The following PRKAR1A variants were observed in gnomAD, a reference collection of about 807,000 sequenced individuals.
The protein encoded by PRKAR1A is protein kinase cAMP-dependent type I regulatory subunit alpha.
In PRKAR1A, 3 loss-of-function variants were observed where a neutral mutation model predicts 52.0. That is an observed-to-expected ratio of 0.06 (90% CI 0.03 to 0.15). The LOEUF (loss-of-function observed/expected upper bound fraction) is 0.15. Among genes scored for constraint, PRKAR1A ranks in the 10% least tolerant of loss-of-function variants. The pLI is 1.00. For missense variants in PRKAR1A, 240 were observed against 477.4 expected, an observed-to-expected ratio of 0.50 and a Z score of 4.63; for synonymous variants, 188 against 168.4, an observed-to-expected ratio of 1.12 and a Z score of -0.90.
the PRKAR1A span, among the ~76,000 whole-genome samples, chr17:68,472,667 T>C: frequency 6.6e-6 from 1 of 152,150 alleles, no homozygotes; most frequent in Non-Finnish European, 1.5e-5. Context: ...ATGTAATGGC[T>C]GGGTGCAGTA....
chr17:68,537,610 A>T (rs770641013), downstream of PRKAR1A: 20 of 1,613,618 alleles, frequency 1.2e-5, no homozygotes, highest in Non-Finnish European at 1.4e-5. This position sits in a 1 kb window ranked among gnomAD's most constrained non-coding sequence, Gnocchi z 4.2. Context: ...CCTTCGATCC[A>T]GGGCAAGGAG....
At chr17:68,423,769 T>C in the PRKAR1A span, among the ~76,000 whole-genome samples, 1 of 152,324 alleles carries the variant, frequency 6.6e-6, no homozygotes, top group South Asian at 2.1e-4. The surrounding 1 kb of genome is among the most constrained non-coding windows in gnomAD (Gnocchi z 4.4). Context: ...CTGCACAAGG[T>C]ACCTATTATT....
At chr17:68,451,957 A>C in the PRKAR1A span, among the ~76,000 whole-genome samples, 1 of 152,202 alleles carries the variant, frequency 6.6e-6, no homozygotes, top group Non-Finnish European at 1.5e-5. Context: ...TAGAGCAAAA[A>C]ATTCACAAAA....
upstream of PRKAR1A, chr17:68,511,921 G>A (rs1453096706): frequency 6.6e-6 from 1 of 152,254 alleles, no homozygotes; most frequent in African/African-American, 2.4e-5. Flanking sequence ...AGGGGCTGCG[G>A]GGAGGAGTCG....
At chr17:68,486,371 ATTCTTTCTTTCTTTCTCTTTCT>A in the PRKAR1A span, among the ~76,000 whole-genome samples, 8 of 124,122 alleles carry the variant, frequency 6.4e-5, no homozygotes, top group African/African-American at 2.1e-4. Context: ...TCTTCCTCTT[ATTCTTTCTTTCTTTCTCTTTCT>A]TTCTTTCTTT....
chr17:68,467,530 GAC>G, the PRKAR1A span, among the ~76,000 whole-genome samples: 1 of 152,278 alleles, frequency 6.6e-6, no homozygotes, highest in Non-Finnish European at 1.5e-5. Context: ...AAACCCTTGG[GAC>G]ATCTAACCAG....
chr17:68,467,461 T>C, the PRKAR1A span, among the ~76,000 whole-genome samples: 3 of 152,362 alleles, frequency 2.0e-5, no homozygotes, highest in South Asian at 6.2e-4. Flanking sequence ...TCCGAATTAC[T>C]ATAGCCATCC....
upstream of PRKAR1A, among the ~76,000 whole-genome samples, chr17:68,508,229 A>AC (rs2085221842): frequency 6.6e-6 from 1 of 152,228 alleles, no homozygotes; most frequent in Admixed American, 6.5e-5. Context: ...AGACACATGC[A>AC]TGCTTATGTT....
downstream of PRKAR1A, among the ~76,000 whole-genome samples, chr17:68,538,196 AATCACAGAG>A (rs1402464860): frequency 6.6e-6 from 1 of 152,220 alleles, no homozygotes; most frequent in Non-Finnish European, 1.5e-5. Flanking sequence ...CAGATTTTAA[AATCACAGAG>A]ATGAAAATGT....
chr17:68,460,514 C>T, the PRKAR1A span, among the ~76,000 whole-genome samples: 1 of 152,240 alleles, frequency 6.6e-6, no homozygotes, highest in African/African-American at 2.4e-5. Flanking sequence ...ACCTTCCCAG[C>T]CTCAGCCTTT....
At chr17:68,470,590 T>G in the PRKAR1A span, among the ~76,000 whole-genome samples, 1 of 152,206 alleles carries the variant, frequency 6.6e-6, no homozygotes, top group Non-Finnish European at 1.5e-5. Flanking sequence ...ACATTTGCAT[T>G]CCTCAAATCT....
chr17:68,448,506 C>T, the PRKAR1A span: 1 of 152,048 alleles, frequency 6.6e-6, no homozygotes, highest in African/African-American at 2.4e-5. Flanking sequence ...GGGAGGAGAA[C>T]CTCACAGTTA....
At chr17:68,442,586 T>C in the PRKAR1A span, among the ~76,000 whole-genome samples, 1 of 152,048 alleles carries the variant, frequency 6.6e-6, no homozygotes, top group African/African-American at 2.4e-5. Context: ...GCATTTACTG[T>C]CCACTCCCCT....
chr17:68,417,286 T>G, the PRKAR1A span, among the ~76,000 whole-genome samples: 1 of 152,178 alleles, frequency 6.6e-6, no homozygotes, highest in Non-Finnish European at 1.5e-5. Flanking sequence ...TAAGCTCTGG[T>G]AAATTAGTTT....
the PRKAR1A span, among the ~76,000 whole-genome samples, chr17:68,417,742 T>TTTTA: frequency 1.8e-5 from 2 of 108,698 alleles, no homozygotes; most frequent in Non-Finnish European, 3.5e-5. Context: ...AATTTTTTTT[T>TTTTA]TTTTTTTTTT....
intron 1 of PRKAR1A, 189 bp downstream of exon 1, chr17:68,512,737 T>A (rs568798488): frequency 5.3e-5 from 8 of 151,960 alleles, no homozygotes; most frequent in African/African-American, 1.9e-4. Flanking sequence ...CGAGTCTGCA[T>A]CCTCAAGGCC....
chr17:68,528,092 A>G (rs1033663156), intron 8 of PRKAR1A, among the ~76,000 whole-genome samples, 192 bp downstream of exon 8: 2 of 152,162 alleles, frequency 1.3e-5, no homozygotes, highest in African/African-American at 4.8e-5. Flanking sequence ...CTCTTGTTCC[A>G]TCATTGAGTT....
the PRKAR1A span, chr17:68,421,953 C>T: frequency 1.9e-5 from 21 of 1,103,858 alleles, no homozygotes; most frequent in South Asian, 1.1e-4. Flanking sequence ...TCTGTCTGAA[C>T]TCGCTCATGG....
the PRKAR1A span, among the ~76,000 whole-genome samples, chr17:68,429,777 C>T: frequency 2.6e-5 from 4 of 152,068 alleles, no homozygotes; most frequent in African/African-American, 7.2e-5. Context: ...TTAGTAGAGA[C>T]GGGATTTCAC....
Sources: allele counts gnomAD v4.1 joint callset (sites outside exome capture counted in the v4.1 genomes callset), GRCh38; gene constraint gnomAD v4.1.1; non-coding constraint Gnocchi (gnomAD v3.1); transcripts MANE v1.5; gene names NCBI Gene and HGNC (gene_info 2026-07-23, HGNC 2026-07-21).